The following LUZP2 variants were observed in gnomAD, a reference collection of about 807,000 sequenced individuals.
The protein encoded by LUZP2 is leucine zipper protein 2.
LUZP2 carries 52 observed loss-of-function variants against 51.6 expected under a neutral mutation model. The ratio of observed to expected loss-of-function variants is 1.01; its 90% confidence interval spans 0.81 to 1.27. The LOEUF is 1.27. LUZP2 is among the 50% of genes most tolerant of loss of function. The probability of loss-of-function intolerance (pLI) is 0.00; values close to 1 mark genes in which losing one functional copy is unlikely to be tolerated. For missense variants in LUZP2, 436 were observed against 395.4 expected (o/e 1.10, Z -0.87); for synonymous variants, 154 against 137.3 (o/e 1.12, Z -0.85).
chr11:24,702,891 C>A (rs536389578), intron 1 of LUZP2, among the ~76,000 whole-genome samples: 2 of 152,218 alleles, frequency 1.3e-5, no homozygotes, highest in East Asian at 3.9e-4. Context: ...GCCTGTTCAG[C>A]TAGATGGATT....
chr11:24,946,691 T>A (rs1854910598), intron 7 of LUZP2, among the ~76,000 whole-genome samples: 1 of 151,988 alleles, frequency 6.6e-6, no homozygotes, highest in East Asian at 1.9e-4. Flanking sequence ...TGTCTTCTAA[T>A]GAAGCTGAGA....
chr11:24,645,446 A>T (rs1855434880), intron 1 of LUZP2, among the ~76,000 whole-genome samples: 1 of 152,186 alleles, frequency 6.6e-6, no homozygotes, highest in Non-Finnish European at 1.5e-5. Flanking sequence ...TTTAAAATAT[A>T]GATTGGCATC....
intron 1 of LUZP2, among the ~76,000 whole-genome samples, chr11:24,510,237 G>A (rs1435182046): frequency 6.6e-6 from 1 of 152,190 alleles, no homozygotes; most frequent in Non-Finnish European, 1.5e-5. Context: ...AAAGAGCAGA[G>A]TGTACTGAGG....
At chr11:24,792,013 A>C (rs1168696909) in intron 5 of LUZP2, among the ~76,000 whole-genome samples, 1 of 140,836 alleles carries the variant, frequency 7.1e-6, no homozygotes, top group Non-Finnish European at 1.5e-5. Context: ...TTTTCTTTTT[A>C]AACTTTGAGA....
chr11:24,666,397 G>A (rs1267653296), intron 1 of LUZP2, among the ~76,000 whole-genome samples: 1 of 152,086 alleles, frequency 6.6e-6, no homozygotes, highest in Non-Finnish European at 1.5e-5. Context: ...AAAATTGCCT[G>A]AAAAATACAG....
intron 1 of LUZP2, among the ~76,000 whole-genome samples, chr11:24,566,956 T>A (rs1306934271): frequency 2.7e-4 from 1 of 3,740 alleles, no homozygotes; most frequent in Non-Finnish European, 5.4e-4. Flanking sequence ...TATATATATA[T>A]ATTTATATAT....
At chr11:24,825,548 T>G (rs1460489995) in intron 5 of LUZP2, among the ~76,000 whole-genome samples, 1 of 152,138 alleles carries the variant, frequency 6.6e-6, no homozygotes, top group Non-Finnish European at 1.5e-5. Context: ...GAAATAACAT[T>G]AGTCAAAACT....
At chr11:24,601,781 G>A (rs1483666014) in intron 1 of LUZP2, among the ~76,000 whole-genome samples, 4 of 149,944 alleles carry the variant, frequency 2.7e-5, no homozygotes, top group African/African-American at 7.3e-5. Context: ...ACTTAACCAA[G>A]TATATTAATT....
chr11:24,594,734 A>T (rs1351089689), intron 1 of LUZP2, among the ~76,000 whole-genome samples: 2 of 147,076 alleles, frequency 1.4e-5, no homozygotes, highest in African/African-American at 5.0e-5. Flanking sequence ...GGCATTCAAT[A>T]TAGCGGTTTG....
At chr11:24,628,863 TG>T (rs1402408377) in intron 1 of LUZP2, among the ~76,000 whole-genome samples, 1 of 152,112 alleles carries the variant, frequency 6.6e-6, no homozygotes, top group Non-Finnish European at 1.5e-5. Context: ...CCGGCCTGCT[TG>T]GTCCTTTATA....
At chr11:24,690,981 T>C (rs1213262117) in intron 1 of LUZP2, among the ~76,000 whole-genome samples, 1 of 152,066 alleles carries the variant, frequency 6.6e-6, no homozygotes, top group Non-Finnish European at 1.5e-5. Flanking sequence ...AACAACAACA[T>C]AGATGTTGTT....
At chr11:24,862,360 T>C (rs1353725531) in intron 5 of LUZP2, among the ~76,000 whole-genome samples, 1 of 152,160 alleles carries the variant, frequency 6.6e-6, no homozygotes, top group Non-Finnish European at 1.5e-5. Context: ...AGGTATTTCA[T>C]TACCACCAGG....
chr11:25,054,238 A>T lies in LUZP2; in HGVS notation c.858+4108A>T, dbSNP rs1017817143. On this transcript the variant is annotated intron_variant, in intron 10 of 11. Transcript: ENST00000336930. ...TCTGTTCAGCTTTTTGCTTGTTGTG[A>T]AGGTGGAAGTGGAGACTTCCAAGAC... Among the ~76,000 whole-genome samples, 11 of 152,228 alleles carry T rather than the reference A, an allele frequency of 7.2e-5. No individual in the cohort carries two copies. In the East Asian group the frequency reaches 2.1e-3, roughly 29 times the overall value.
chr11:24,953,033 C>T (rs1855119726), intron 7 of LUZP2, among the ~76,000 whole-genome samples: 1 of 151,788 alleles, frequency 6.6e-6, no homozygotes, highest in African/African-American at 2.4e-5. Flanking sequence ...ACAAAAAAGT[C>T]TGTCGAGAAA....
chr11:24,848,299 T>C (rs188676805), intron 5 of LUZP2, among the ~76,000 whole-genome samples: 1 of 152,348 alleles, frequency 6.6e-6, no homozygotes, highest in Admixed American at 6.5e-5. Context: ...GATTTCACTT[T>C]TCACATTTAT....
intron 9 of LUZP2, among the ~76,000 whole-genome samples, chr11:25,002,476 G>A (rs1419243008): frequency 6.6e-6 from 1 of 152,164 alleles, no homozygotes; most frequent in Non-Finnish European, 1.5e-5. Context: ...ATAGCACCTG[G>A]TATCTAAGTA....
At chr11:24,970,075 C>A (rs1590788711) in intron 7 of LUZP2, among the ~76,000 whole-genome samples, 1 of 152,214 alleles carries the variant, frequency 6.6e-6, no homozygotes, top group East Asian at 1.9e-4. Flanking sequence ...TTAGAAACTA[C>A]TACTTGGAAA....
Position 24,732,172 on chromosome 11 carries a change from T to G in LUZP2, c.235T>G (p.Leu79Val). The change falls in exon 3 of 12, where the codon TTA becomes GTA. Residue 79 changes from leucine (L) to valine (V), a missense_variant. Coordinates refer to ENST00000336930, the MANE Select transcript of LUZP2 (RefSeq NM_001009909.4). ...AKTDVQKLLE[L>V]GQKQREEMKS... ...AACTGATGTTCAGAAACTTCTGGAA[T>G]TAGGACAGAAACAAAGGTAAGACTT... The G allele has an allele frequency of 6.2e-7, 1 of 1,608,740 alleles. No homozygotes were observed. The highest frequency in any genetic ancestry group is 8.5e-7 in the Non-Finnish European group (1 of 1,176,642).
intron 7 of LUZP2, among the ~76,000 whole-genome samples, chr11:24,969,439 C>G (rs929874982): frequency 1.3e-5 from 2 of 152,000 alleles, no homozygotes; most frequent in Non-Finnish European, 2.9e-5. Flanking sequence ...GTCACCAAAG[C>G]CTGCTGTATA....
Sources: gnomAD v4.1 joint callset for allele counts (sites outside exome capture counted in the v4.1 genomes callset) on GRCh38, gnomAD v4.1.1 for gene constraint, MANE v1.5 for transcripts, NCBI Gene and HGNC (gene_info 2026-07-23, HGNC 2026-07-21) for gene names.